Variants in SPIN2A observed in about 807,000 individuals in gnomAD.
The protein encoded by SPIN2A is spindlin family member 2A, also known as spindlin-2A.
SPIN2A carries 4 observed loss-of-function variants against 9.2 expected under a neutral mutation model. That is an observed-to-expected ratio of 0.44 (90% confidence interval 0.21 to 1.00). The LOEUF is 1.00. Ranked by LOEUF, SPIN2A falls within the 50% of genes least tolerant of loss-of-function variation. The pLI, the probability that SPIN2A is intolerant of heterozygous loss-of-function variation, is 0.26. For synonymous variants in SPIN2A, 25 were observed against 61.2 expected (o/e 0.41, Z 2.76); for missense variants, 77 against 172.8 (o/e 0.45, Z 3.11).
chrX:57,143,474 C>T, the SPIN2A span, among the ~76,000 whole-genome samples: 1 of 109,653 alleles, frequency 9.1e-6, no homozygotes, highest in Admixed American at 9.8e-5. Context: ...TAAAATTGCT[C>T]GTATTATTAT....
chrX:57,145,249 C>T, the SPIN2A span, among the ~76,000 whole-genome samples: 37 of 77,018 alleles, frequency 4.8e-4, no homozygotes, highest in Non-Finnish European at 7.4e-4. Context: ...TATGATCATT[C>T]TTTTGGGGGG....
rs777313945 is a variant in SPIN2A at position 57,135,872 on chromosome X, C to T, written c.726G>A (p.Lys242=). Residue 242 remains lysine (K), a synonymous_variant, in exon 2 of 2, where the codon AAG becomes AAA. Transcript: ENST00000374906. ...VETKPSVYFI[K]FDDDFHIYVY... is the part of the protein sequence containing the mutation. The stretch of plus-strand genomic sequence containing the variant: ...CATAGATATGGAAATCATCATCAAA[C>T]TTGATGAAATACACAGAGGGTTTGG... 38 of 1,208,342 alleles carry T rather than the reference C, an allele frequency of 3.1e-5. No individual in the cohort carries two copies. The East Asian group carries it at 9.8e-4, about 31-fold the overall frequency.
chrX:57,145,363 G>T, the SPIN2A span, among the ~76,000 whole-genome samples: 1 of 110,873 alleles, frequency 9.0e-6, no homozygotes, highest in Non-Finnish European at 1.9e-5. Flanking sequence ...CTTCTTTTGA[G>T]AATTGTGTAT....
chrX:57,140,417 CAAAA>C (rs60570721), upstream of SPIN2A, among the ~76,000 whole-genome samples: 5 of 64,829 alleles, frequency 7.7e-5, no homozygotes, highest in African/African-American at 3.3e-4. Context: ...CCATCTCTAC[CAAAA>C]AAAAAAAAAA....
upstream of SPIN2A, among the ~76,000 whole-genome samples, chrX:57,141,871 T>G (rs1057020378): frequency 9.0e-6 from 1 of 111,123 alleles, no homozygotes; most frequent in Non-Finnish European, 1.9e-5. Flanking sequence ...TCATGGTGGT[T>G]TGCTGCACCT....
the SPIN2A span, among the ~76,000 whole-genome samples, chrX:57,142,895 T>C: frequency 1.8e-5 from 2 of 111,983 alleles, no homozygotes; most frequent in African/African-American, 3.2e-5. Flanking sequence ...TGGCTTGACA[T>C]CTACTTTGTC....
chrX:57,145,915 A>G, the SPIN2A span, among the ~76,000 whole-genome samples: 1 of 111,170 alleles, frequency 9.0e-6, no homozygotes, highest in Non-Finnish European at 1.9e-5. Flanking sequence ...CCATTGGTCT[A>G]TGTGCCTGTT....
chrX:57,144,456 T>A, the SPIN2A span, among the ~76,000 whole-genome samples: 1 of 110,227 alleles, frequency 9.1e-6, no homozygotes, highest in Non-Finnish European at 1.9e-5. Context: ...GGGTTTTTTT[T>A]TCCCCTACTT....
upstream of SPIN2A, among the ~76,000 whole-genome samples, chrX:57,138,451 C>A (rs923465095): frequency 1.8e-5 from 2 of 108,489 alleles, no homozygotes; most frequent in Non-Finnish European, 3.8e-5. Context: ...ATTTTTTATC[C>A]ATTTATTTAT....
At chrX:57,146,680 AG>A in the SPIN2A span, among the ~76,000 whole-genome samples, 1 of 112,173 alleles carries the variant, frequency 8.9e-6, no homozygotes. Flanking sequence ...TTCTCCATTC[AG>A]TATAATGTTG....
At chrX:57,145,422 A>T in the SPIN2A span, among the ~76,000 whole-genome samples, 1 of 110,542 alleles carries the variant, frequency 9.0e-6, no homozygotes, top group East Asian at 2.8e-4. Flanking sequence ...TTTTCTTGCT[A>T]ATTTGTTTGA....
chrX:57,144,242 A>G, the SPIN2A span, among the ~76,000 whole-genome samples: 1 of 110,143 alleles, frequency 9.1e-6, no homozygotes, highest in South Asian at 3.9e-4. Flanking sequence ...AGGATCCTTT[A>G]TTTGTCCTTG....
At chrX:57,137,000 T>G in intron 1 of SPIN2A, 1 of 865,202 alleles carries the variant, frequency 1.2e-6, no homozygotes, top group Non-Finnish European at 1.4e-6. Flanking sequence ...CCACTGCCTA[T>G]CCTAACCACT....
the SPIN2A span, among the ~76,000 whole-genome samples, chrX:57,146,641 C>G: frequency 1.8e-5 from 2 of 111,780 alleles, no homozygotes; most frequent in South Asian, 7.5e-4. Flanking sequence ...TTGTCTTGTT[C>G]CAGTTCTCAG....
Position 57,137,397 on chromosome X carries a change from G to A in SPIN2A, c.-143C>T, listed in dbSNP as rs1211775711. On this transcript the variant is annotated 5_prime_UTR_variant, in exon 1 of 2. Coordinates refer to ENST00000374906, the MANE Select transcript of SPIN2A (RefSeq NM_019003.5). ...AGGAGCGCGGCGAGACAGGCAAAGAGCACTGCAGCGGTGTCCCCAGCGCTT... is the reference window on the plus strand; with the variant it reads ...AGGAGCGCGGCGAGACAGGCAAAGAACACTGCAGCGGTGTCCCCAGCGCTT... 1.4e-6 allele frequency: 1 copy of A among 739,237 alleles called. No homozygotes were observed. The highest frequency in any genetic ancestry group is 2.3e-5 in the African/African-American group (1 of 43,143). The allele number at this position is 739,237 out of a possible 1,213,427, so 60.9% of individuals were successfully genotyped here.
At chrX:57,143,120 G>C in the SPIN2A span, among the ~76,000 whole-genome samples, 6 of 110,865 alleles carry the variant, frequency 5.4e-5, no homozygotes, top group Non-Finnish European at 1.1e-4. Flanking sequence ...TATTATTACG[G>C]ATAGGTAAGG....
chrX:57,145,027 A>T, the SPIN2A span, among the ~76,000 whole-genome samples: 423 of 111,332 alleles, frequency 3.8e-3, no homozygotes, highest in African/African-American at 0.013. Context: ...TGCTGCTATA[A>T]ACATGCATGT....
chrX:57,144,699 A>T, the SPIN2A span, among the ~76,000 whole-genome samples: 1 of 109,981 alleles, frequency 9.1e-6, no homozygotes, highest in Non-Finnish European at 1.9e-5. Flanking sequence ...GTGTTCCCAA[A>T]GTCCGTTGTA....
intron 1 of SPIN2A, chrX:57,136,991 C>G (rs886363443): frequency 5.6e-6 from 5 of 888,388 alleles, no homozygotes; most frequent in Non-Finnish European, 7.0e-6. Flanking sequence ...CTGTAACCCC[C>G]ACTGCCTATC....
Sources: allele counts gnomAD v4.1 joint callset (sites outside exome capture counted in the v4.1 genomes callset), GRCh38; gene constraint gnomAD v4.1.1; transcripts MANE v1.5; gene names NCBI Gene and HGNC (gene_info 2026-07-23, HGNC 2026-07-21).